PEX5L: variants seen among roughly 807,000 people sequenced by gnomAD.
PEX5L encodes peroxisomal biogenesis factor 5 like.
PEX5L carries 30 observed loss-of-function variants against 84.0 expected under a neutral mutation model. The observed-to-expected ratio is 0.36, with a 90% CI of 0.27 to 0.48. The LOEUF (loss-of-function observed/expected upper bound fraction) is 0.48, where lower values mean the gene tolerates loss of function less well. Ranked by LOEUF, PEX5L falls within the 20% of genes least tolerant of loss-of-function variation. The pLI is 0.99. For synonymous variants in PEX5L, 270 were observed against 283.1 expected (o/e 0.95, Z 0.46); for missense variants, 533 against 754.6 (o/e 0.71, Z 3.44).
intron 2 of PEX5L, among the ~76,000 whole-genome samples, chr3:179,919,712 G>GT (rs1028318397): frequency 1.1e-3 from 162 of 152,176 alleles, no homozygotes; most frequent in Admixed American, 2.2e-3. Context: ...ACAAGTAACT[G>GT]TTTTTTCTGA....
Position 180,036,760 on chromosome 3 carries a change from C to A in PEX5L, c.-161G>T, listed in dbSNP as rs912783955. ...GGTACTCGGCCGGCCGGCGGCCACT[C>A]GGCAGCGCTGCGGGCTGCCGGGAAC... On this transcript the variant is annotated 5_prime_UTR_variant, in exon 1 of 15. Coordinates refer to ENST00000467460, the MANE Select transcript of PEX5L (RefSeq NM_016559.3). The A allele has an allele frequency of 4.4e-5, 32 of 735,468 alleles. No homozygotes were observed. The highest frequency in any genetic ancestry group is 7.3e-5 in the Non-Finnish European group (30 of 408,616). 45.6% of individuals were successfully genotyped at this position (735,468 alleles called of 1,614,324 possible). A position where few individuals can be genotyped will look rare whatever the true frequency, so the allele number is the denominator to read the frequency against.
chr3:179,921,335 C>G (rs537543833), intron 2 of PEX5L, among the ~76,000 whole-genome samples: 30 of 152,250 alleles, frequency 2.0e-4, no homozygotes, highest in African/African-American at 7.2e-4. Context: ...CACAATACAA[C>G]AAACATCATC....
intron 8 of PEX5L, among the ~76,000 whole-genome samples, chr3:179,827,229 C>T (rs1319468801): frequency 2.0e-5 from 3 of 152,142 alleles, no homozygotes; most frequent in East Asian, 1.9e-4. Flanking sequence ...AATACCCGGG[C>T]GTGACTTTTG....
chr3:179,984,832 T>C (rs891314529), intron 1 of PEX5L, among the ~76,000 whole-genome samples: 3 of 152,204 alleles, frequency 2.0e-5, no homozygotes, highest in African/African-American at 7.2e-5. Flanking sequence ...CAAATACTTA[T>C]ATTTGAGTTA....
chr3:179,933,043 C>A (rs1399355358), intron 2 of PEX5L, among the ~76,000 whole-genome samples: 1 of 152,184 alleles, frequency 6.6e-6, no homozygotes, highest in Non-Finnish European at 1.5e-5. Flanking sequence ...CTGGTAACCA[C>A]CATCCTGCTC....
At chr3:179,981,255 T>C (rs1786304739) in intron 1 of PEX5L, among the ~76,000 whole-genome samples, 1 of 152,144 alleles carries the variant, frequency 6.6e-6, no homozygotes, top group African/African-American at 2.4e-5. Context: ...AAGGTGTTTG[T>C]TCTTTATGTT....
intron 2 of PEX5L, among the ~76,000 whole-genome samples, chr3:179,951,821 G>A (rs1380335242): frequency 1.3e-5 from 2 of 152,170 alleles, no homozygotes; most frequent in Non-Finnish European, 2.9e-5. Flanking sequence ...TGTGGTCCAT[G>A]GGGAGTGTTC....
At position 179,797,605 on chromosome 3, in the gene PEX5L, A is replaced by AATATATATATATATATAT. The variant is rs568586727; in HGVS notation, c.*4205_*4222dup. On this transcript the variant is annotated 3_prime_UTR_variant, in exon 15 of 15. Transcript: ENST00000467460. ...AACACTCTTTAAAAAAAAAAAAAAA[A>AATATATATATATATATAT]ATATATATATATATATATATATATA... 5 of 89,174 alleles carry AATATATATATATATATAT rather than the reference A, an allele frequency of 5.6e-5. No individual in the cohort carries two copies. Among genetic ancestry groups the AATATATATATATATATAT allele is most frequent in the African/African-American group, 2.3e-4 (5 of 22,200 alleles). 5.5% of individuals were successfully genotyped at this position (89,174 alleles called of 1,614,324 possible).
Position 179,875,485 on chromosome 3 carries a change from G to A in PEX5L, c.506-8C>T. 1 of 1,525,024 alleles carries A rather than the reference G, an allele frequency of 6.6e-7. No individual in the cohort carries two copies. Among genetic ancestry groups the A allele is most frequent in the Non-Finnish European group, 8.9e-7 (1 of 1,125,274 alleles). The allele number at this position is 1,525,024 out of a possible 1,614,324, so 94.5% of individuals were successfully genotyped here. A position where few individuals can be genotyped will look rare whatever the true frequency, so the allele number is the denominator to read the frequency against. The stretch of plus-strand genomic sequence containing the variant: ...CCAGTTGTGTTTGAATGTCTAGTAA[G>A]TACAGAGGAAGCAGGTGAGGCAGGT... On this transcript the variant is annotated splice_polypyrimidine_tract_variant and splice_region_variant and intron_variant, in intron 5 of 14. Transcript: ENST00000467460.
intron 2 of PEX5L, among the ~76,000 whole-genome samples, chr3:179,938,625 C>G (rs1775250536): frequency 6.6e-6 from 1 of 152,178 alleles, no homozygotes; most frequent in African/African-American, 2.4e-5. Context: ...CACAGAGGAA[C>G]ACAATGAAAA....
Position 179,984,478 on chromosome 3 carries a change from A to G in PEX5L, c.22-12813T>C, listed in dbSNP as rs536450203. Among the ~76,000 whole-genome samples, 53 of 152,246 alleles carry G rather than the reference A, an allele frequency of 3.5e-4. 1 individual carries two copies. Among genetic ancestry groups the G allele is most frequent in the African/African-American group, 1.2e-3 (48 of 41,566 alleles). ...TAAAACTTTGCTTAATTTTTTTCTA[A>G]TCCAGTAAGCGTGAACAGATATAAG... On this transcript the variant is annotated intron_variant, in intron 1 of 14. Transcript: ENST00000467460.
intron 1 of PEX5L, among the ~76,000 whole-genome samples, chr3:179,976,731 T>A (rs2110306021): frequency 6.6e-6 from 1 of 152,152 alleles, no homozygotes; most frequent in East Asian, 1.9e-4. Context: ...AACCACTGCA[T>A]CCAGCCAGGA....
In PEX5L at chr3:179,797,346, A is replaced by G. The variant is rs1023283391; in HGVS notation, c.*4482T>C. The G allele has an allele frequency of 2.0e-5, 3 of 152,208 alleles. No homozygotes were observed. Among genetic ancestry groups the G allele is most frequent in the Non-Finnish European group, 2.9e-5 (2 of 68,036 alleles). The allele number at this position is 152,208 out of a possible 1,614,324, so 9.4% of individuals were successfully genotyped here. ...AAAGCAAATAGAAAAACTGTAACAC[A>G]AAGTTCATAAAAATGCTCCCTTGTA... On this transcript the variant is annotated 3_prime_UTR_variant, in exon 15 of 15. Transcript: ENST00000467460.
intron 2 of PEX5L, among the ~76,000 whole-genome samples, chr3:179,935,383 TGTAA>T (rs1470090730): frequency 6.6e-6 from 1 of 152,166 alleles, no homozygotes; most frequent in African/African-American, 2.4e-5. Context: ...TTTCAAAACT[TGTAA>T]GTATTTTCCT....
At chr3:180,021,402 T>A (rs1790416114) in intron 1 of PEX5L, among the ~76,000 whole-genome samples, 1 of 152,188 alleles carries the variant, frequency 6.6e-6, no homozygotes, top group Non-Finnish European at 1.5e-5. Flanking sequence ...AACTGTGGAA[T>A]CAGAGTCCCA....
chr3:179,849,056 T>A (rs966250337), intron 8 of PEX5L, among the ~76,000 whole-genome samples: 1 of 152,208 alleles, frequency 6.6e-6, no homozygotes, highest in Non-Finnish European at 1.5e-5. Context: ...TTTGGGACTT[T>A]TATTGCACAC....
At chr3:179,884,344 G>C (rs552186524) in intron 4 of PEX5L, among the ~76,000 whole-genome samples, 2 of 152,182 alleles carry the variant, frequency 1.3e-5, no homozygotes, top group African/African-American at 2.4e-5. Context: ...GTGCAGTTAG[G>C]GGGGTCAGAG....
At chr3:179,850,416 CGTG>C (rs1741382072) in intron 8 of PEX5L, among the ~76,000 whole-genome samples, 1 of 152,134 alleles carries the variant, frequency 6.6e-6, no homozygotes, top group Non-Finnish European at 1.5e-5. Context: ...TGTGAGCCAC[CGTG>C]CCAGGCCTTA....
chr3:179,816,562 G>C (rs1726181181), intron 9 of PEX5L, among the ~76,000 whole-genome samples: 1 of 151,820 alleles, frequency 6.6e-6, no homozygotes, highest in Non-Finnish European at 1.5e-5. Flanking sequence ...ACAGGGAGGG[G>C]AACATCACAC....
Sources: allele counts gnomAD v4.1 joint callset (sites outside exome capture counted in the v4.1 genomes callset), GRCh38; gene constraint gnomAD v4.1.1; transcripts MANE v1.5; gene names NCBI Gene and HGNC (gene_info 2026-07-23, HGNC 2026-07-21).